KAZN: variants seen among roughly 807,000 people sequenced by gnomAD.
KAZN encodes the protein kazrin, periplakin interacting protein, also known as kazrin.
In KAZN, 40 loss-of-function variants were observed where a neutral mutation model predicts 87.4. The observed-to-expected ratio is 0.46, with a 90% CI of 0.36 to 0.60. The LOEUF is 0.60. Ranked by LOEUF, KAZN falls within the 20% of genes least tolerant of loss-of-function variation. The probability of loss-of-function intolerance (pLI) is 0.00; values close to 1 mark genes in which losing one functional copy is unlikely to be tolerated. For synonymous variants in KAZN, 466 were observed against 458.3 expected (o/e 1.02, Z -0.22); for missense variants, 898 against 1,073.9 (o/e 0.84, Z 2.29).
chr1:15,014,713 C>A (rs1407634106), intron 2 of KAZN, among the ~76,000 whole-genome samples: 1 of 152,166 alleles, frequency 6.6e-6, no homozygotes, highest in Non-Finnish European at 1.5e-5. Flanking sequence ...TAAGGAAGGG[C>A]AGTTAGCTGA....
At chr1:14,571,589 T>A (rs1674867835) in intron 2 of KAZN, among the ~76,000 whole-genome samples, 1 of 152,136 alleles carries the variant, frequency 6.6e-6, no homozygotes, top group South Asian at 2.1e-4. Context: ...GGCAAATTGG[T>A]CAGAGGCTAA....
chr1:13,924,810 G>A (rs1166346563), intron 1 of KAZN, among the ~76,000 whole-genome samples: 8 of 152,278 alleles, frequency 5.3e-5, no homozygotes, highest in Admixed American at 2.6e-4. Flanking sequence ...AGCTGTGTCT[G>A]ACCACCTTGG....
chr1:14,020,098 A>T (rs746309622), intron 1 of KAZN, among the ~76,000 whole-genome samples: 17 of 152,056 alleles, frequency 1.1e-4, no homozygotes, highest in Middle Eastern at 3.4e-3. Flanking sequence ...CATGCAGCAT[A>T]GATTTCTTGC....
chr1:14,628,566 T>C (rs16850617), intron 1 of KAZN, among the ~76,000 whole-genome samples: 9,437 of 152,256 alleles, frequency 0.062, 1,013 homozygotes, highest in African/African-American at 0.22. Context: ...AGCGAAGGCA[T>C]TTTATGTGGT....
chr1:14,987,159 G>A (rs1308444312), intron 2 of KAZN, among the ~76,000 whole-genome samples: 5 of 152,142 alleles, frequency 3.3e-5, no homozygotes, highest in Admixed American at 6.5e-5. Context: ...ATGGGAAGGC[G>A]CAGAAGAGAG....
intron 1 of KAZN, among the ~76,000 whole-genome samples, chr1:14,951,490 T>C (rs922142527): frequency 2.0e-5 from 3 of 152,076 alleles, no homozygotes; most frequent in Non-Finnish European, 4.4e-5. Context: ...TTCATTCATT[T>C]ATTTTAGACA....
At chr1:13,897,960 G>C (rs1639107085) in intron 1 of KAZN, among the ~76,000 whole-genome samples, 1 of 152,166 alleles carries the variant, frequency 6.6e-6, no homozygotes, top group African/African-American at 2.4e-5. Context: ...CCCTGCTATA[G>C]CCCAAAATGG....
intron 1 of KAZN, among the ~76,000 whole-genome samples, chr1:14,839,111 T>C (rs968000190): frequency 6.6e-6 from 1 of 152,184 alleles, no homozygotes; most frequent in African/African-American, 2.4e-5. Context: ...GCCCTGCCTG[T>C]CCTGCCACTT....
intron 2 of KAZN, among the ~76,000 whole-genome samples, chr1:14,372,010 A>C (rs910573516): frequency 5.9e-5 from 9 of 152,240 alleles, no homozygotes; most frequent in African/African-American, 2.2e-4. Context: ...TCACTTAGTC[A>C]TGTGAATAGT....
chr1:14,531,892 C>T (rs918143998), intron 2 of KAZN, among the ~76,000 whole-genome samples: 1 of 152,128 alleles, frequency 6.6e-6, no homozygotes, highest in African/African-American at 2.4e-5. Context: ...CTCACTGAAT[C>T]CCCAAAGTCC....
intron 1 of KAZN, among the ~76,000 whole-genome samples, chr1:14,053,203 TGA>T (rs1346859207): frequency 6.6e-6 from 1 of 152,170 alleles, no homozygotes; most frequent in Non-Finnish European, 1.5e-5. Context: ...GGCCATGTTG[TGA>T]GAGAGCCAGT....
intron 1 of KAZN, among the ~76,000 whole-genome samples, chr1:14,795,133 TTC>T (rs1243280604): frequency 6.6e-6 from 1 of 152,162 alleles, no homozygotes; most frequent in Non-Finnish European, 1.5e-5. Context: ...CTCCTCCCTC[TTC>T]AGCTTGCTGA....
chr1:14,467,395 G>A (rs932062974), intron 2 of KAZN, among the ~76,000 whole-genome samples: 9 of 150,402 alleles, frequency 6.0e-5, no homozygotes, highest in Non-Finnish European at 1.0e-4. Flanking sequence ...CACAAAAGAA[G>A]TTAGTAATCG....
intron 13 of KAZN, among the ~76,000 whole-genome samples, chr1:15,110,545 GTGTT>G (rs1440241315): frequency 1.1e-4 from 13 of 115,002 alleles, no homozygotes; most frequent in South Asian, 2.8e-4. Flanking sequence ...GTGTGCATAT[GTGTT>G]TGTGTGTGTG....
chr1:14,581,889 C>G (rs1217538506), intron 2 of KAZN, among the ~76,000 whole-genome samples: 1 of 152,158 alleles, frequency 6.6e-6, no homozygotes, highest in African/African-American at 2.4e-5. Flanking sequence ...AATGTCATCC[C>G]CAGTTCTCCT....
chr1:14,156,437 A>G (rs888343147), intron 1 of KAZN, among the ~76,000 whole-genome samples: 1 of 152,188 alleles, frequency 6.6e-6, no homozygotes, highest in Non-Finnish European at 1.5e-5. Flanking sequence ...AGTGGGGTGT[A>G]GAAGTCTCCA....
At chr1:14,402,519 G>C (rs980893201) in intron 2 of KAZN, among the ~76,000 whole-genome samples, 1 of 152,046 alleles carries the variant, frequency 6.6e-6, no homozygotes, top group Non-Finnish European at 1.5e-5. Context: ...TGTTTCATGG[G>C]AAAACTGAAT....
chr1:14,797,434 G>C (rs1392506457), intron 1 of KAZN, among the ~76,000 whole-genome samples: 3 of 152,188 alleles, frequency 2.0e-5, no homozygotes, highest in Non-Finnish European at 4.4e-5. Context: ...TGGGAACCTG[G>C]AAGCCGTTCC....
At chr1:14,705,777 T>A (rs1185591122) in intron 1 of KAZN, among the ~76,000 whole-genome samples, 10 of 151,746 alleles carry the variant, frequency 6.6e-5, no homozygotes, top group Non-Finnish European at 1.5e-4. Context: ...AGAAGGGGAG[T>A]AGGGAAGGAG....
Sources: allele counts gnomAD v4.1 joint callset (sites outside exome capture counted in the v4.1 genomes callset), GRCh38; gene constraint gnomAD v4.1.1; transcripts MANE v1.5; gene names NCBI Gene and HGNC (gene_info 2026-07-23, HGNC 2026-07-21).